USP34: variants seen among roughly 807,000 people sequenced by gnomAD.
USP34 encodes ubiquitin carboxyl-terminal hydrolase 34.
Under a neutral mutation model 460.3 loss-of-function variants are expected in USP34, and 70 were observed. The ratio of observed to expected loss-of-function variants is 0.15; its 90% CI spans 0.13 to 0.19. The LOEUF (loss-of-function observed/expected upper bound fraction) is 0.19. USP34 is among the 10% of genes least tolerant of loss of function. The pLI is 1.00. For missense variants in USP34, 3,985 were observed against 4,236.2 expected, an observed-to-expected ratio of 0.94 and a Z score of 1.65; for synonymous variants, 1,647 against 1,405.3, an observed-to-expected ratio of 1.17 and a Z score of -3.85.
rs766527942 is a variant in USP34, at chr2:61,347,857, G to T, written c.2285+13C>A. On this transcript the variant is annotated intron_variant, in intron 15 of 79. Coordinates refer to ENST00000398571, the MANE Select transcript of USP34 (RefSeq NM_014709.4). ...GAAATATGAACTGAATATTTATTTT[G>T]AAGTAGGCTTACCCATCGTGGTGGT... is the stretch of plus-strand genomic sequence containing the variant. The T allele has an allele frequency of 5.0e-5, 81 of 1,609,050 alleles. 1 individual carries two copies. In the Admixed American group the frequency reaches 1.4e-3, roughly 27 times the overall value.
At chr2:61,428,593 G>C (rs1419792254) in intron 1 of USP34, among the ~76,000 whole-genome samples, 1 of 152,152 alleles carries the variant, frequency 6.6e-6, no homozygotes. Flanking sequence ...CAAGCCTCTA[G>C]ATCTAGCAAT....
intron 10 of USP34, among the ~76,000 whole-genome samples, chr2:61,354,037 G>A (rs909737982): frequency 6.6e-6 from 1 of 152,158 alleles, no homozygotes; most frequent in Non-Finnish European, 1.5e-5. Context: ...ATGAAGCAGA[G>A]CAACACATTC....
intron 51 of USP34, among the ~76,000 whole-genome samples, chr2:61,242,505 T>C (rs1688297404): frequency 8.7e-6 from 1 of 114,820 alleles, no homozygotes; most frequent in Non-Finnish European, 1.8e-5. Flanking sequence ...ACACACACGA[T>C]GCAAAGGAAA....
At position 61,370,345 on chromosome 2, in the gene USP34, A is replaced by C. The variant is rs1376813765; in HGVS notation, c.1227T>G (p.Ile409Met). ...AAEGRLSTQHIDCIWAAAQLK... is the reference protein window; with the variant it reads ...AAEGRLSTQHMDCIWAAAQLK... Reference sequence around the variant, plus strand: ...CCTGTGCTGCAGCCCAAATACAGTCAATATGTTGAGTACTCAGTCGCCCTT... The same window carrying C: ...CCTGTGCTGCAGCCCAAATACAGTCCATATGTTGAGTACTCAGTCGCCCTT... The change falls in exon 10 of 80, where the codon ATT (isoleucine) becomes ATG (methionine). Residue 409 changes from isoleucine (I) to methionine (M), a missense_variant. Ile to Met is a conservative substitution (Grantham distance 10). Around this residue, in one of 14 missense-constraint regions of USP34, gnomAD observed 716 missense variants for 626.2 expected, o/e 1.14. Coordinates refer to ENST00000398571, the MANE Select transcript of USP34 (RefSeq NM_014709.4). 3 of 1,613,994 alleles carry C rather than the reference A, an allele frequency of 1.9e-6. No homozygotes were observed. Among genetic ancestry groups the C allele is most frequent in the African/African-American group, 2.7e-5 (2 of 74,942 alleles).
chr2:61,444,307 C>T (rs1695049051), intron 1 of USP34, among the ~76,000 whole-genome samples: 2 of 151,862 alleles, frequency 1.3e-5, no homozygotes, highest in African/African-American at 4.8e-5. Flanking sequence ...TATACAATAA[C>T]AGAAATTAAA....
chr2:61,421,499 G>C (rs1385956548), intron 1 of USP34, among the ~76,000 whole-genome samples: 1 of 152,060 alleles, frequency 6.6e-6, no homozygotes, highest in Non-Finnish European at 1.5e-5. Flanking sequence ...TTCTTTGGCT[G>C]GTCCACACAG....
At chr2:61,387,728 C>G (rs9679583) in intron 5 of USP34, among the ~76,000 whole-genome samples, 2 of 141,992 alleles carry the variant, frequency 1.4e-5, no homozygotes, top group Admixed American at 1.5e-4. Context: ...TACGTATACA[C>G]ACATGTAAAA....
chr2:61,354,069 A>G (rs1239268147), intron 10 of USP34, among the ~76,000 whole-genome samples: 1 of 152,212 alleles, frequency 6.6e-6, no homozygotes, highest in Non-Finnish European at 1.5e-5. Context: ...CCCAGAATGC[A>G]AAGAAAAATG....
chr2:61,465,123 A>G (rs531142396), intron 1 of USP34, among the ~76,000 whole-genome samples: 119 of 152,328 alleles, frequency 7.8e-4, no homozygotes, highest in Middle Eastern at 3.4e-3. Flanking sequence ...TTATTCTAAC[A>G]CTAAAGCCAA....
At chr2:61,381,203 TAAA>T (rs756924837) in intron 6 of USP34, among the ~76,000 whole-genome samples, 3 of 97,924 alleles carry the variant, frequency 3.1e-5, no homozygotes, top group South Asian at 2.6e-4. Flanking sequence ...GAATGATCAA[TAAA>T]AAAAAAAAAA....
At chr2:61,454,856 G>A (rs891305386) in intron 1 of USP34, among the ~76,000 whole-genome samples, 11 of 110,778 alleles carry the variant, frequency 9.9e-5, no homozygotes, top group African/African-American at 1.5e-4. Context: ...CAAATATAGT[G>A]GGGTTTTTTT....
intron 50 of USP34, 88 bp downstream of exon 50, chr2:61,246,236 T>C (rs1688413674): frequency 8.6e-7 from 1 of 1,162,294 alleles, no homozygotes; most frequent in Non-Finnish European, 1.1e-6. Flanking sequence ...CCAACTTTTG[T>C]GGCAAGTTTT....
chr2:61,321,792 A>C (rs1337318403), intron 21 of USP34, among the ~76,000 whole-genome samples: 1 of 152,228 alleles, frequency 6.6e-6, no homozygotes, highest in Non-Finnish European at 1.5e-5. Flanking sequence ...TCCGTATAAT[A>C]GTAAAAATGA....
intron 50 of USP34, among the ~76,000 whole-genome samples, chr2:61,245,865 CA>C: frequency 6.6e-6 from 1 of 152,066 alleles, no homozygotes; most frequent in East Asian, 1.9e-4. Flanking sequence ...ATCTGAAGAC[CA>C]AAAAACAGGT....
In USP34 at chr2:61,401,867, A is replaced by T. The variant is rs571162949; in HGVS notation, c.552+3841T>A. The stretch of plus-strand genomic sequence containing the variant: ...GCCACCGCGCCCGGCCCATTTTTAT[A>T]ATCTTTTTCCCTATACTTAGAAAAA... On this transcript the variant is annotated intron_variant, in intron 3 of 79. Coordinates refer to ENST00000398571, the MANE Select transcript of USP34 (RefSeq NM_014709.4). 2.4e-4 allele frequency among the ~76,000 whole-genome samples: 36 copies of T among 151,414 alleles called. 1 individual carries two copies. The South Asian group carries it at 4.6e-3, about 19-fold the overall frequency.
intron 10 of USP34, 77 bp from the exon 11 acceptor site, chr2:61,350,770 G>C: frequency 6.8e-7 from 1 of 1,477,116 alleles, no homozygotes; most frequent in Non-Finnish European, 9.0e-7. Context: ...AAAACAGTTT[G>C]AAAGTCAAAA....
chr2:61,407,473 C>G (rs1693911327), intron 2 of USP34, among the ~76,000 whole-genome samples: 1 of 152,224 alleles, frequency 6.6e-6, no homozygotes, highest in Non-Finnish European at 1.5e-5. Context: ...AATTTATAAT[C>G]TGCACCCAGT....
chr2:61,266,903 GCTCA>G lies in USP34; in HGVS notation c.5434-740_5434-737del, dbSNP rs576375022. ...CAAAACTCTCTAAGTGAAAACAGTGGCTCACTGTGCCTAACGGGTTTATGCTAAA... is the reference window on the plus strand; with the variant it reads ...CAAAACTCTCTAAGTGAAAACAGTGGCTGTGCCTAACGGGTTTATGCTAAA... On this transcript the variant is annotated intron_variant, in intron 41 of 79. Transcript: ENST00000398571. Among the ~76,000 whole-genome samples the G allele has an allele frequency of 1.1e-4, 16 of 152,262 alleles. No individual in the cohort carries two copies. In the East Asian group the frequency reaches 2.9e-3, roughly 28 times the overall value.
chr2:61,214,411 C>T lies in USP34; in HGVS notation c.8331G>A (p.Met2777Ile). Residue 2777 changes from methionine to isoleucine, a missense_variant, in exon 68 of 80, where the codon ATG becomes ATA. Met to Ile is a conservative substitution (Grantham distance 10). Transcript: ENST00000398571. ...TEKLMFSTYF[M>I]DLWNLFQPKL... Reference sequence around the variant, plus strand: ...TAGGCTGGAAAAGGTTCCACAAATCCATGAAATATGTGGAAAACATCAGCT... The same window carrying T: ...TAGGCTGGAAAAGGTTCCACAAATCTATGAAATATGTGGAAAACATCAGCT... 6.2e-7 allele frequency: 1 copy of T among 1,614,140 alleles called. No individual in the cohort carries two copies. The highest frequency in any genetic ancestry group is 8.5e-7 in the Non-Finnish European group (1 of 1,180,018).
Sources: allele counts gnomAD v4.1 joint callset (sites outside exome capture counted in the v4.1 genomes callset), GRCh38; gene constraint gnomAD v4.1.1; regional missense constraint gnomAD v4.1.1; transcripts MANE v1.5; gene names NCBI Gene and HGNC (gene_info 2026-07-23, HGNC 2026-07-21).